PDE8B: variants seen among roughly 807,000 people sequenced by gnomAD.
The protein encoded by PDE8B is high affinity cAMP-specific and IBMX-insensitive 3',5'-cyclic phosphodiesterase 8B.
Under a neutral mutation model 101.3 loss-of-function variants are expected in PDE8B, and 26 were observed. The ratio of observed to expected loss-of-function variants is 0.26; its 90% CI spans 0.19 to 0.36. PDE8B has a LOEUF of 0.36. Ranked by LOEUF, PDE8B falls within the 10% of genes least tolerant of loss-of-function variation. The pLI is 1.00. For missense variants in PDE8B, 810 were observed against 1,163.1 expected (o/e 0.70, Z 4.42); for synonymous variants, 424 against 429.3 (o/e 0.99, Z 0.15).
intron 10 of PDE8B, among the ~76,000 whole-genome samples, chr5:77,373,755 T>C (rs538156455): frequency 6.6e-6 from 1 of 152,366 alleles, no homozygotes; most frequent in African/African-American, 2.4e-5. Context: ...CAATGGATTT[T>C]AGTGGTTCAT....
the PDE8B span, among the ~76,000 whole-genome samples, chr5:77,109,934 T>TG: frequency 1.8e-5 from 2 of 110,586 alleles, no homozygotes; most frequent in East Asian, 2.5e-4. Flanking sequence ...TCAGTTTTTT[T>TG]TTTTTTTTTT....
intron 10 of PDE8B, among the ~76,000 whole-genome samples, chr5:77,368,634 G>A (rs1193982874): frequency 6.6e-6 from 1 of 152,162 alleles, no homozygotes; most frequent in Non-Finnish European, 1.5e-5. Flanking sequence ...TCTCCATCTT[G>A]ACCTCTTCTT....
the PDE8B span, among the ~76,000 whole-genome samples, chr5:77,201,321 A>G: frequency 2.0e-5 from 3 of 152,240 alleles, no homozygotes; most frequent in African/African-American, 7.2e-5. Context: ...GAAGGCTGAC[A>G]TATCTATCTG....
chr5:77,407,322 C>G, intron 12 of PDE8B, 59 bp from the exon 13 acceptor site: 1 of 1,309,264 alleles, frequency 7.6e-7, no homozygotes, highest in African/African-American at 1.4e-5. Flanking sequence ...GACTCCTTTG[C>G]TGCACTTAGC....
At chr5:77,290,952 A>G (rs1767181815) in intron 1 of PDE8B, 1 of 1,611,444 alleles carries the variant, frequency 6.2e-7, no homozygotes, top group Non-Finnish European at 8.5e-7. Flanking sequence ...TGGAGCAGAT[A>G]CCGGCACAGC....
chr5:77,407,467 G>T lies in PDE8B; in HGVS notation c.1365+10G>T. 6.2e-7 allele frequency: 1 copy of T among 1,603,990 alleles called. No homozygotes were observed. The highest frequency in any genetic ancestry group is 8.5e-7 in the Non-Finnish European group (1 of 1,171,268). ...GGCTCCCATCACAAAGGTGAGTGGC[G>T]GCTGCTGCCTGCACTCTGCAGTCAG... is the stretch of plus-strand genomic sequence containing the variant. On this transcript the variant is annotated intron_variant, in intron 13 of 21. Coordinates refer to ENST00000264917, the MANE Select transcript of PDE8B (RefSeq NM_003719.5).
the PDE8B span, among the ~76,000 whole-genome samples, chr5:77,196,402 T>C: frequency 1.3e-5 from 2 of 152,242 alleles, no homozygotes; most frequent in Non-Finnish European, 2.9e-5. Flanking sequence ...TTTTATAGTT[T>C]TAGCTTTTAA....
the PDE8B span, among the ~76,000 whole-genome samples, chr5:77,117,907 T>C: frequency 6.6e-6 from 1 of 152,102 alleles, no homozygotes; most frequent in African/African-American, 2.4e-5. Flanking sequence ...TTTAAGGTGG[T>C]AGTTCTTTTT....
At chr5:77,180,967 C>CGTGTGT in the PDE8B span, among the ~76,000 whole-genome samples, 3,714 of 147,590 alleles carry the variant, frequency 0.025, 157 homozygotes, top group African/African-American at 0.086. Context: ...GGTGTGTACA[C>CGTGTGT]GTGTGTGTGT....
At chr5:77,131,894 T>C in the PDE8B span, among the ~76,000 whole-genome samples, 1 of 152,150 alleles carries the variant, frequency 6.6e-6, no homozygotes, top group African/African-American at 2.4e-5. Context: ...TAGAATTCAT[T>C]AACAGCAAGG....
At chr5:77,214,885 T>A (rs1009104844) in intron 1 of PDE8B, among the ~76,000 whole-genome samples, 1 of 152,194 alleles carries the variant, frequency 6.6e-6, no homozygotes, top group Admixed American at 6.5e-5. Context: ...GTGTTGCTGA[T>A]CTGGGGACCC....
chr5:77,236,467 T>A (rs888052148), intron 1 of PDE8B, among the ~76,000 whole-genome samples: 4 of 152,166 alleles, frequency 2.6e-5, no homozygotes, highest in Non-Finnish European at 5.9e-5. Context: ...AGCCACTGAA[T>A]AGGAGGAAGA....
At chr5:77,325,782 C>T (rs1021477029) in intron 3 of PDE8B, 53 bp downstream of exon 3, 63 of 1,210,784 alleles carry the variant, frequency 5.2e-5, no homozygotes, top group South Asian at 1.8e-4. Context: ...CATCTTAAAA[C>T]GAATTTCATT....
At chr5:77,130,427 C>G in the PDE8B span, among the ~76,000 whole-genome samples, 1 of 151,910 alleles carries the variant, frequency 6.6e-6, no homozygotes, top group Non-Finnish European at 1.5e-5. Flanking sequence ...GAATATACTT[C>G]GGGGCGGGGA....
intron 10 of PDE8B, among the ~76,000 whole-genome samples, chr5:77,354,950 A>G (rs1781809054): frequency 6.6e-6 from 1 of 152,146 alleles, no homozygotes; most frequent in Non-Finnish European, 1.5e-5. Context: ...CATCATCTTC[A>G]CAGCTATTTG....
At chr5:77,407,348 G>T in intron 12 of PDE8B, 33 bp from the exon 13 acceptor site, 1 of 1,591,372 alleles carries the variant, frequency 6.3e-7, no homozygotes, top group Non-Finnish European at 8.6e-7. Context: ...TGAGCCACCG[G>T]AACTGGACAC....
intron 10 of PDE8B, among the ~76,000 whole-genome samples, chr5:77,385,802 T>G (rs1363554915): frequency 7.4e-5 from 11 of 148,104 alleles, no homozygotes; most frequent in Non-Finnish European, 1.6e-4. Context: ...GAGGTTTTTT[T>G]TTTTTTTTTT....
chr5:77,297,642 A>G (rs1344419182), intron 1 of PDE8B, among the ~76,000 whole-genome samples: 1 of 152,144 alleles, frequency 6.6e-6, no homozygotes, highest in Non-Finnish European at 1.5e-5. Flanking sequence ...ACTACAATCC[A>G]GCTATGCTAC....
chr5:77,287,172 T>TTA, intron 1 of PDE8B, among the ~76,000 whole-genome samples: 1 of 151,910 alleles, frequency 6.6e-6, no homozygotes, highest in South Asian at 2.1e-4. Context: ...TTTATTATTA[T>TTA]TTTTTTTAGT....
Sources: allele counts gnomAD v4.1 joint callset (sites outside exome capture counted in the v4.1 genomes callset), GRCh38; gene constraint gnomAD v4.1.1; transcripts MANE v1.5; gene names NCBI Gene and HGNC (gene_info 2026-07-23, HGNC 2026-07-21).